Variants in KCNN2 observed in about 807,000 individuals in gnomAD.
KCNN2 encodes the protein small conductance calcium-activated potassium channel protein 2.
Under a neutral mutation model 55.5 loss-of-function variants are expected in KCNN2, and 24 were observed. That is an observed-to-expected ratio of 0.43 (90% CI 0.31 to 0.61). The LOEUF (loss-of-function observed/expected upper bound fraction) is 0.61. Among genes scored for constraint, KCNN2 ranks in the 20% least tolerant of loss-of-function variants. KCNN2 has a pLI of 0.08. For synonymous variants in KCNN2, 431 were observed against 336.1 expected (o/e 1.28, Z -3.09); for missense variants, 754 against 853.6 (o/e 0.88, Z 1.45).
At position 114,326,255 on chromosome 5, in the gene KCNN2, C is replaced by T. The variant is rs544942874; in HGVS notation, c.-184-34690C>T. Among the ~76,000 whole-genome samples the T allele has an allele frequency of 3.8e-4, 58 of 152,070 alleles. 1 individual carries two copies. The highest frequency in any genetic ancestry group is 9.6e-4 in the African/African-American group (40 of 41,476). On this transcript the variant is annotated intron_variant, in intron 2 of 10. Transcript: ENST00000512097. ...ACATGTGAGGTTAGACCTCAAGTAG[C>T]GGGTACATTTTCACAGAGGCCACGG...
At chr5:114,258,955 G>GCTGCCCCTT (rs1340304442) in intron 2 of KCNN2, among the ~76,000 whole-genome samples, 1 of 152,188 alleles carries the variant, frequency 6.6e-6, no homozygotes, top group Non-Finnish European at 1.5e-5. Flanking sequence ...TGGGGCTGCA[G>GCTGCCCCTT]CTGCCCCTTA....
chr5:114,243,091 A>C (rs568169978), intron 2 of KCNN2, among the ~76,000 whole-genome samples: 1 of 152,328 alleles, frequency 6.6e-6, no homozygotes, highest in Admixed American at 6.5e-5. Flanking sequence ...ATATGTCTTC[A>C]TACAAAATTA....
chr5:114,490,796 T>C (rs1747807018), intron 6 of KCNN2: 1 of 397,744 alleles, frequency 2.5e-6, no homozygotes, highest in Non-Finnish European at 4.4e-6. Flanking sequence ...AGTAGTCTGA[T>C]TGCTGCTATG....
chr5:114,241,804 A>ATATGTGTG (rs1561537246), intron 2 of KCNN2, among the ~76,000 whole-genome samples: 2 of 22,988 alleles, frequency 8.7e-5, no homozygotes, highest in Non-Finnish European at 1.7e-4. Flanking sequence ...GTATATATAT[A>ATATGTGTG]CGTATATATA....
chr5:114,079,565 TA>T (rs960781243), intron 1 of KCNN2, among the ~76,000 whole-genome samples: 1 of 152,178 alleles, frequency 6.6e-6, no homozygotes, highest in Admixed American at 6.6e-5. Flanking sequence ...AGGATAGATA[TA>T]ATAATGCCTA....
intron 2 of KCNN2, among the ~76,000 whole-genome samples, chr5:114,290,001 T>C (rs1370009864): frequency 6.6e-6 from 1 of 152,188 alleles, no homozygotes; most frequent in East Asian, 1.9e-4. Context: ...CTGTACTGTG[T>C]TTTGCTCTTG....
intron 1 of KCNN2, among the ~76,000 whole-genome samples, chr5:114,192,012 G>T (rs1753460441): frequency 6.6e-6 from 1 of 152,166 alleles, no homozygotes; most frequent in African/African-American, 2.4e-5. Context: ...GTAGGCTATT[G>T]ATTGACCAGC....
chr5:114,165,395 T>C (rs1190875339), intron 1 of KCNN2, among the ~76,000 whole-genome samples: 3 of 152,176 alleles, frequency 2.0e-5, no homozygotes, highest in Admixed American at 2.0e-4. Context: ...TGATTTTCGT[T>C]TTTTCAGATT....
chr5:114,248,536 G>A (rs183589375), intron 2 of KCNN2, among the ~76,000 whole-genome samples: 245 of 151,982 alleles, frequency 1.6e-3, no homozygotes, highest in African/African-American at 5.6e-3. Context: ...TTTTTTATAA[G>A]TTTGCATTAC....
At chr5:114,341,965 G>C (rs1261368792) in intron 2 of KCNN2, among the ~76,000 whole-genome samples, 1 of 149,814 alleles carries the variant, frequency 6.7e-6, no homozygotes, top group African/African-American at 2.5e-5. Flanking sequence ...GCAGTGGCAT[G>C]ATCTCGGCTC....
intron 1 of KCNN2, among the ~76,000 whole-genome samples, chr5:114,161,172 C>T (rs1752770188): frequency 6.6e-6 from 1 of 152,126 alleles, no homozygotes; most frequent in Non-Finnish European, 1.5e-5. Context: ...TTAGCGCTTC[C>T]TTCAGGAGCT....
At chr5:114,114,821 C>A (rs1751679115) in intron 1 of KCNN2, among the ~76,000 whole-genome samples, 1 of 152,080 alleles carries the variant, frequency 6.6e-6, no homozygotes, top group East Asian at 1.9e-4. Flanking sequence ...AAGAAGAAAT[C>A]AAAATGGATC....
intron 1 of KCNN2, among the ~76,000 whole-genome samples, chr5:114,122,661 T>C (rs890993038): frequency 6.6e-6 from 1 of 152,152 alleles, no homozygotes; most frequent in Non-Finnish European, 1.5e-5. Flanking sequence ...ATAATTTGTT[T>C]TGAGCTTGGA....
At chr5:114,206,502 C>T (rs1033686090) in intron 1 of KCNN2, among the ~76,000 whole-genome samples, 3 of 152,078 alleles carry the variant, frequency 2.0e-5, no homozygotes, top group African/African-American at 7.2e-5. Context: ...TCTCTTTCTC[C>T]TCATATTTTT....
chr5:114,144,915 A>G (rs2974475), intron 1 of KCNN2, among the ~76,000 whole-genome samples: 24,751 of 151,820 alleles, frequency 0.16, 2,626 homozygotes, highest in African/African-American at 0.3. Context: ...TGACCTTTTG[A>G]CGATTGCCAT....
chr5:114,422,349 C>A (rs1418093963), intron 3 of KCNN2, among the ~76,000 whole-genome samples: 1 of 151,962 alleles, frequency 6.6e-6, no homozygotes. Flanking sequence ...AAAAAGAGAC[C>A]CCAGAGAGCT....
intron 2 of KCNN2, among the ~76,000 whole-genome samples, chr5:114,389,629 C>T (rs982328150): frequency 4.6e-5 from 7 of 152,070 alleles, no homozygotes; most frequent in South Asian, 2.1e-4. Flanking sequence ...TCCCAAATAC[C>T]GTGTGAACTG....
chr5:114,431,729 C>T (rs905204359), intron 3 of KCNN2, among the ~76,000 whole-genome samples: 3 of 152,012 alleles, frequency 2.0e-5, no homozygotes, highest in African/African-American at 7.2e-5. Flanking sequence ...TATAAATTTC[C>T]TTCCAAGTAC....
chr5:114,385,333 A>G (rs1758244630), intron 2 of KCNN2, among the ~76,000 whole-genome samples: 1 of 152,050 alleles, frequency 6.6e-6, no homozygotes, highest in African/African-American at 2.4e-5. Flanking sequence ...GTACTGTTGC[A>G]TGTTTGAAAT....
Sources: gnomAD v4.1 joint callset for allele counts (sites outside exome capture counted in the v4.1 genomes callset) on GRCh38, gnomAD v4.1.1 for gene constraint, MANE v1.5 for transcripts, NCBI Gene and HGNC (gene_info 2026-07-23, HGNC 2026-07-21) for gene names.